Variants in ADGRG7 observed in about 807,000 individuals in gnomAD.
ADGRG7 encodes G-protein coupled receptor 128.
ADGRG7 carries 82 observed loss-of-function variants against 88.6 expected under a neutral mutation model. That is an observed-to-expected ratio of 0.93 (90% CI 0.77 to 1.11). The LOEUF (loss-of-function observed/expected upper bound fraction) is 1.11, where lower values mean the gene tolerates loss of function less well. ADGRG7 is among the 50% of genes most tolerant of loss of function. The pLI, the probability that ADGRG7 is intolerant of heterozygous loss-of-function variation, is 0.00. For missense variants in ADGRG7, 945 were observed against 953.4 expected (o/e 0.99, Z 0.12); for synonymous variants, 381 against 345.2 (o/e 1.10, Z -1.15).
At chr3:100,636,182 C>T (rs918631778) in intron 5 of ADGRG7, among the ~76,000 whole-genome samples, 3 of 152,168 alleles carry the variant, frequency 2.0e-5, no homozygotes, top group African/African-American at 7.2e-5. Flanking sequence ...CAGGTCTCAG[C>T]CTCCCAAGCA....
intron 11 of ADGRG7, 90 bp downstream of exon 11, chr3:100,649,897 T>C: frequency 2.9e-6 from 2 of 684,282 alleles, no homozygotes; most frequent in South Asian, 4.2e-5. Flanking sequence ...GTCTTTGAAC[T>C]AGGCAAGAAC....
intron 1 of ADGRG7, among the ~76,000 whole-genome samples, chr3:100,615,927 A>G (rs1462378254): frequency 6.6e-6 from 1 of 152,160 alleles, no homozygotes; most frequent in Non-Finnish European, 1.5e-5. Context: ...ATCAACCAAG[A>G]AAAGAAGATT....
At chr3:100,637,710 G>A in intron 6 of ADGRG7, 1 of 292,492 alleles carries the variant, frequency 3.4e-6, no homozygotes, top group South Asian at 4.9e-5. Flanking sequence ...TCCATGCACA[G>A]CAAGACCTCT....
Position 100,662,347 on chromosome 3 carries a change from A to G in ADGRG7, c.1979+2504A>G, listed in dbSNP as rs942342564. 2.0e-5 allele frequency among the ~76,000 whole-genome samples: 3 copies of G among 152,216 alleles called. No homozygotes were observed. In the East Asian group the frequency reaches 5.8e-4, roughly 29 times the overall value. On this transcript the variant is annotated intron_variant, in intron 14 of 15. Coordinates refer to ENST00000273352, the MANE Select transcript of ADGRG7 (RefSeq NM_032787.3). ...ATTATTTAGTAATGACAGTAAAAAA[A>G]TTTAGCAACACGCTCTTAACAGTAT...
intron 8 of ADGRG7, among the ~76,000 whole-genome samples, chr3:100,645,706 G>A (rs1707732428): frequency 6.6e-6 from 1 of 151,916 alleles, no homozygotes; most frequent in East Asian, 1.9e-4. Flanking sequence ...TCGTTCCTGT[G>A]TAGAAGGTAA....
At position 100,633,297 on chromosome 3, in the gene ADGRG7, C is replaced by G. The variant is rs757720814; in HGVS notation, c.367C>G (p.Leu123Val). Reference protein sequence around the residue: ...GNPMAVRLCSLSLYGEIELQK... With the variant: ...GNPMAVRLCSVSLYGEIELQK... ...TCCAATGGCAGTCCGGTTGTGCAGT[C>G]TCTCTCTATATGGAGAGATAGAATT... The change falls in exon 4 of 16, where the codon CTC (leucine) becomes GTC (valine). Residue 123 changes from leucine to valine, a missense_variant. Transcript: ENST00000273352. The G allele has an allele frequency of 1.3e-6, 2 of 1,537,222 alleles. No individual in the cohort carries two copies. Among genetic ancestry groups the G allele is most frequent in the East Asian group, 2.4e-5 (1 of 40,828 alleles).
At chr3:100,614,846 G>A (rs1265841975) in intron 1 of ADGRG7, among the ~76,000 whole-genome samples, 1 of 152,112 alleles carries the variant, frequency 6.6e-6, no homozygotes, top group East Asian at 1.9e-4. Flanking sequence ...TGTTGTATAT[G>A]TTCTGTATTT....
intron 11 of ADGRG7, among the ~76,000 whole-genome samples, chr3:100,653,728 C>A (rs1368540958): frequency 6.6e-6 from 1 of 152,040 alleles, no homozygotes; most frequent in African/African-American, 2.4e-5. Context: ...TGGAGGTTCA[C>A]CTAGGATGCT....
At chr3:100,660,930 C>T (rs2094944450) in intron 14 of ADGRG7, among the ~76,000 whole-genome samples, 1 of 143,770 alleles carries the variant, frequency 7.0e-6, no homozygotes, top group African/African-American at 2.6e-5. Flanking sequence ...CCAGCCTGGG[C>T]AACAAGAGCG....
chr3:100,636,858 T>C (rs528000134), intron 5 of ADGRG7, among the ~76,000 whole-genome samples: 10 of 152,194 alleles, frequency 6.6e-5, no homozygotes, highest in Non-Finnish European at 1.5e-4. Context: ...GAGTTATTGA[T>C]TGAAAGAAAA....
At chr3:100,661,628 T>C (rs1401711754) in intron 14 of ADGRG7, among the ~76,000 whole-genome samples, 1 of 152,192 alleles carries the variant, frequency 6.6e-6, no homozygotes, top group Non-Finnish European at 1.5e-5. Flanking sequence ...TATTGGACCA[T>C]GGAAATCAGT....
At chr3:100,681,109 T>G (rs979842868) in intron 15 of ADGRG7, among the ~76,000 whole-genome samples, 1 of 152,130 alleles carries the variant, frequency 6.6e-6, no homozygotes, top group African/African-American at 2.4e-5. Context: ...AAGGTAAAAA[T>G]TTGGATTCTG....
chr3:100,612,155 T>C (rs1050000394), intron 1 of ADGRG7, among the ~76,000 whole-genome samples: 2 of 152,186 alleles, frequency 1.3e-5, no homozygotes, highest in South Asian at 4.1e-4. Flanking sequence ...TAAAAGAACA[T>C]ATAAATTAAG....
chr3:100,667,917 T>A (rs1307818625), intron 14 of ADGRG7, among the ~76,000 whole-genome samples: 2 of 152,018 alleles, frequency 1.3e-5, no homozygotes, highest in African/African-American at 2.4e-5. Context: ...AGGGCGCTGG[T>A]GAGGCAGGCA....
intron 11 of ADGRG7, among the ~76,000 whole-genome samples, chr3:100,652,102 A>T (rs2149028289): frequency 6.6e-6 from 1 of 152,296 alleles, no homozygotes; most frequent in South Asian, 2.1e-4. Flanking sequence ...TGATAAAATT[A>T]GATAAAAACT....
intron 1 of ADGRG7, among the ~76,000 whole-genome samples, chr3:100,626,167 TA>T (rs1259986572): frequency 2.0e-5 from 3 of 152,212 alleles, no homozygotes; most frequent in Non-Finnish European, 4.4e-5. Flanking sequence ...GGTAGGCTAG[TA>T]ATTACTGCCT....
chr3:100,687,758 G>A (rs2094985544), intron 15 of ADGRG7, among the ~76,000 whole-genome samples: 1 of 152,184 alleles, frequency 6.6e-6, no homozygotes, highest in Admixed American at 6.5e-5. Context: ...GCTTTCTGAT[G>A]TGCTGCTGGA....
At chr3:100,632,217 T>A (rs1471008860) in intron 3 of ADGRG7, among the ~76,000 whole-genome samples, 2 of 152,148 alleles carry the variant, frequency 1.3e-5, no homozygotes, top group Non-Finnish European at 2.9e-5. Context: ...ATATATTAAT[T>A]CTTTGGGACA....
chr3:100,663,682 G>A (rs2094948360), intron 14 of ADGRG7, among the ~76,000 whole-genome samples: 1 of 151,874 alleles, frequency 6.6e-6, no homozygotes. Flanking sequence ...TGGAAAACAT[G>A]CCAAAATTTA....
Sources: gnomAD v4.1 joint callset for allele counts (sites outside exome capture counted in the v4.1 genomes callset) on GRCh38, gnomAD v4.1.1 for gene constraint, MANE v1.5 for transcripts, NCBI Gene and HGNC (gene_info 2026-07-23, HGNC 2026-07-21) for gene names.